Variants in EYS observed in about 807,000 individuals in gnomAD.
EYS encodes EGF-like photoreceptor maintenance factor, also known as protein eyes shut homolog.
A neutral mutation model predicts 282.1 loss-of-function variants in EYS; 250 were observed. That is an observed-to-expected ratio of 0.89 (90% CI 0.80 to 0.98). The LOEUF (loss-of-function observed/expected upper bound fraction) is 0.98, where lower values mean the gene tolerates loss of function less well. Among genes scored for constraint, EYS ranks in the 50% least tolerant of loss-of-function variants. The pLI is 0.00. For missense variants in EYS, 4,016 were observed against 3,709.0 expected (o/e 1.08, Z -2.15); for synonymous variants, 1,355 against 1,282.9 (o/e 1.06, Z -1.20).
At chr6:65,385,906 G>A (rs867726196) in intron 7 of EYS, among the ~76,000 whole-genome samples, 2 of 151,906 alleles carry the variant, frequency 1.3e-5, no homozygotes, top group Non-Finnish European at 2.9e-5. Context: ...TAATAGCATA[G>A]AGAAGAAGAG....
intron 13 of EYS, among the ~76,000 whole-genome samples, chr6:65,050,830 A>G (rs1021990499): frequency 3.4e-4 from 52 of 151,688 alleles, no homozygotes; most frequent in Non-Finnish European, 1.3e-4. Flanking sequence ...CTTTCTAATT[A>G]CAAGTTCCCA....
intron 35 of EYS, among the ~76,000 whole-genome samples, chr6:63,923,847 C>A (rs1396024469): frequency 6.6e-6 from 1 of 152,258 alleles, no homozygotes; most frequent in East Asian, 1.9e-4. Context: ...TCTGTTCCTG[C>A]ATTAATTTGC....
intron 1 of EYS, among the ~76,000 whole-genome samples, chr6:65,657,617 G>A (rs1248985705): frequency 6.6e-6 from 1 of 151,772 alleles, no homozygotes; most frequent in Non-Finnish European, 1.5e-5. Context: ...TGCTTTTTAT[G>A]GATGAGCAAA....
intron 13 of EYS, among the ~76,000 whole-genome samples, chr6:65,006,146 C>T (rs894929828): frequency 1.3e-5 from 2 of 151,780 alleles, no homozygotes; most frequent in East Asian, 1.9e-4. Context: ...ACGTGGGACC[C>T]GTTCCCCACC....
At chr6:65,108,141 T>C (rs910000041) in intron 12 of EYS, among the ~76,000 whole-genome samples, 1 of 152,042 alleles carries the variant, frequency 6.6e-6, no homozygotes, top group Non-Finnish European at 1.5e-5. Context: ...CTGGCACAAT[T>C]TTCCTTTAGC....
At chr6:65,031,158 T>TATACAC (rs1554143854) in intron 13 of EYS, among the ~76,000 whole-genome samples, 1 of 142,000 alleles carries the variant, frequency 7.0e-6, no homozygotes. Context: ...TATATATATA[T>TATACAC]ACACACACAC....
chr6:64,535,882 T>C (rs1421294540), intron 26 of EYS, among the ~76,000 whole-genome samples: 1 of 152,188 alleles, frequency 6.6e-6, no homozygotes, highest in Non-Finnish European at 1.5e-5. Context: ...TAAATGTCAA[T>C]ATTAAGTTCA....
At chr6:63,943,861 CCAAA>C (rs1765312009) in intron 35 of EYS, among the ~76,000 whole-genome samples, 1 of 152,142 alleles carries the variant, frequency 6.6e-6, no homozygotes, top group South Asian at 2.1e-4. Context: ...CCCAGGCTGA[CCAAA>C]CAGATATACC....
chr6:63,814,106 C>T (rs137952497), intron 36 of EYS, among the ~76,000 whole-genome samples: 28 of 152,244 alleles, frequency 1.8e-4, no homozygotes, highest in African/African-American at 6.3e-4. Flanking sequence ...AAACTATGTA[C>T]GTGGTCATTG....
chr6:64,974,466 C>A (rs1219763956), intron 14 of EYS, among the ~76,000 whole-genome samples: 1 of 151,472 alleles, frequency 6.6e-6, no homozygotes, highest in Non-Finnish European at 1.5e-5. Context: ...GTAATGGCCT[C>A]CAGGAATCTG....
chr6:65,406,091 C>T (rs539595776), intron 5 of EYS, among the ~76,000 whole-genome samples: 37 of 152,010 alleles, frequency 2.4e-4, no homozygotes, highest in Middle Eastern at 6.8e-3. Context: ...TGATATTGTC[C>T]GTTTTCTTTA....
intron 7 of EYS, among the ~76,000 whole-genome samples, chr6:65,391,467 C>T (rs999167387): frequency 1.3e-5 from 2 of 152,238 alleles, no homozygotes; most frequent in Admixed American, 6.5e-5. Flanking sequence ...GCAACTTCAG[C>T]AAAGTCTCAG....
chr6:65,105,344 T>C (rs990063899), intron 12 of EYS, among the ~76,000 whole-genome samples: 11 of 151,794 alleles, frequency 7.2e-5, no homozygotes, highest in African/African-American at 2.7e-4. Flanking sequence ...GAGGAATAAG[T>C]AAGTGAAAAT....
At chr6:64,714,984 A>G (rs1273085092) in intron 22 of EYS, among the ~76,000 whole-genome samples, 1 of 151,916 alleles carries the variant, frequency 6.6e-6, no homozygotes, top group Non-Finnish European at 1.5e-5. Flanking sequence ...GTTAATATGT[A>G]GGTGACCAAA....
intron 26 of EYS, among the ~76,000 whole-genome samples, chr6:64,453,192 C>T (rs1442078075): frequency 3.3e-5 from 5 of 151,888 alleles, no homozygotes; most frequent in East Asian, 1.9e-4. Context: ...AAAAAGTGGA[C>T]GAAGGATATG....
chr6:63,975,423 T>G (rs1470569796), intron 35 of EYS, among the ~76,000 whole-genome samples: 1 of 152,040 alleles, frequency 6.6e-6, no homozygotes, highest in African/African-American at 2.4e-5. Flanking sequence ...CAAAATAATT[T>G]CTAAACATGG....
intron 22 of EYS, among the ~76,000 whole-genome samples, chr6:64,794,622 A>G (rs949438885): frequency 6.6e-6 from 1 of 152,190 alleles, no homozygotes; most frequent in African/African-American, 2.4e-5. Flanking sequence ...AGTCTCTGGT[A>G]TGTCTTCATA....
At chr6:64,576,334 T>C (rs866994362) in intron 26 of EYS, among the ~76,000 whole-genome samples, 7 of 152,092 alleles carry the variant, frequency 4.6e-5, no homozygotes, top group African/African-American at 1.7e-4. Flanking sequence ...GAGACTCATT[T>C]GTAATGAATA....
intron 22 of EYS, among the ~76,000 whole-genome samples, chr6:64,698,234 T>C (rs1444366424): frequency 6.6e-6 from 1 of 151,824 alleles, no homozygotes; most frequent in Non-Finnish European, 1.5e-5. Context: ...ATGAAAGAAA[T>C]AGATTATAAA....
Sources: allele counts gnomAD v4.1 joint callset (sites outside exome capture counted in the v4.1 genomes callset), GRCh38; gene constraint gnomAD v4.1.1; transcripts MANE v1.5; gene names NCBI Gene and HGNC (gene_info 2026-07-23, HGNC 2026-07-21).